The following SEPTIN9 variants were observed in gnomAD, a reference collection of about 807,000 sequenced individuals.
SEPTIN9 encodes septin-9.
In SEPTIN9, 13 loss-of-function variants were observed where a neutral mutation model predicts 56.6. That is an observed-to-expected ratio of 0.23 (90% CI 0.15 to 0.37). The LOEUF (loss-of-function observed/expected upper bound fraction) is 0.37, where lower values mean the gene tolerates loss of function less well. Among genes scored for constraint, SEPTIN9 ranks in the 10% least tolerant of loss-of-function variants. SEPTIN9 has a pLI of 1.00. For missense variants in SEPTIN9, 650 were observed against 823.1 expected, an observed-to-expected ratio of 0.79 and a Z score of 2.57; for synonymous variants, 332 against 334.1, an observed-to-expected ratio of 0.99 and a Z score of 0.07.
rs2039183970 is a variant in SEPTIN9, at chr17:77,475,708, A to G, written c.722-6436A>G. On this transcript the variant is annotated intron_variant, in intron 3 of 11. Transcript: ENST00000427177. This position sits in a 1 kb window ranked among gnomAD's most constrained non-coding sequence, Gnocchi z 4.6. ...GGGCCGGGGTGGATGGAGGCAAGGAAGTCTTCGCCGGGGCAAGGGCACCAG... is the reference window on the plus strand; with the variant it reads ...GGGCCGGGGTGGATGGAGGCAAGGAGGTCTTCGCCGGGGCAAGGGCACCAG... 6.2e-7 allele frequency: 1 copy of G among 1,613,514 alleles called. No individual in the cohort carries two copies. Among genetic ancestry groups the G allele is most frequent in the African/African-American group, 1.3e-5 (1 of 75,048 alleles).
intron 1 of SEPTIN9, among the ~76,000 whole-genome samples, chr17:77,283,445 T>C (rs1459118617): frequency 6.6e-6 from 1 of 152,160 alleles, no homozygotes; most frequent in African/African-American, 2.4e-5. Flanking sequence ...GCCCTCATTC[T>C]GAGTGTCCTG....
At chr17:77,373,242 G>C (rs2034781407) in intron 2 of SEPTIN9, 2 of 1,130,790 alleles carry the variant, frequency 1.8e-6, no homozygotes, top group South Asian at 4.3e-5. Flanking sequence ...AGACAGGGAG[G>C]CCGGTGCGGG....
At chr17:77,477,852 C>T (rs191177339) in intron 3 of SEPTIN9, among the ~76,000 whole-genome samples, 142 of 152,220 alleles carry the variant, frequency 9.3e-4, no homozygotes, top group African/African-American at 3.3e-3. Context: ...TTCTGAGAGT[C>T]GACGTGGGTA....
At chr17:77,412,622 A>T (rs1335323011) in intron 3 of SEPTIN9, among the ~76,000 whole-genome samples, 1 of 151,954 alleles carries the variant, frequency 6.6e-6, no homozygotes, top group African/African-American at 2.4e-5. Flanking sequence ...GCTACTCGGG[A>T]GGCTGATGTG....
At chr17:77,316,875 G>A (rs2032732170) in intron 2 of SEPTIN9, among the ~76,000 whole-genome samples, 1 of 151,898 alleles carries the variant, frequency 6.6e-6, no homozygotes, top group Non-Finnish European at 1.5e-5. Flanking sequence ...CCCAGCTGGG[G>A]TTTCTGCTTT....
intron 3 of SEPTIN9, among the ~76,000 whole-genome samples, chr17:77,409,295 A>G (rs1354811840): frequency 1.3e-5 from 2 of 151,430 alleles, no homozygotes; most frequent in South Asian, 2.1e-4. Flanking sequence ...ACAGGAATCA[A>G]TGCGGGAGGA....
chr17:77,312,305 T>C (rs9890182), intron 2 of SEPTIN9, among the ~76,000 whole-genome samples: 134,465 of 152,186 alleles, frequency 0.88, 59,539 homozygotes, highest in East Asian at 0.99. Context: ...TTCTTACTCA[T>C]AGAGCCCTTA....
rs539594015 is a variant in SEPTIN9 at position 77,369,096 on chromosome 17, T to C, written c.77-32963T>C. Among the ~76,000 whole-genome samples, 22 of 151,310 alleles carry C rather than the reference T, an allele frequency of 1.5e-4. No individual in the cohort carries two copies. Among genetic ancestry groups the C allele is most frequent in the Non-Finnish European group, 2.8e-4 (19 of 67,830 alleles). ...TAAAAATACAAAAATTAGCCAGGAG[T>C]GGTGGCGGGTGCCTGTAATCCGAGC... On this transcript the variant is annotated intron_variant, in intron 2 of 11. Coordinates refer to ENST00000427177, the MANE Select transcript of SEPTIN9 (RefSeq NM_001113491.2). The surrounding 1 kb of genome is among the most constrained non-coding windows in gnomAD (Gnocchi z 4.9).
At chr17:77,350,539 A>G (rs947457289) in intron 2 of SEPTIN9, among the ~76,000 whole-genome samples, 5 of 152,060 alleles carry the variant, frequency 3.3e-5, no homozygotes, top group African/African-American at 1.2e-4. Flanking sequence ...CGTGTTCTCT[A>G]GGAGAAATCC....
chr17:77,408,500 G>A lies in SEPTIN9; in HGVS notation c.721+5797G>A, dbSNP rs569073355. ...GCTCTTCGCATACTTGGTCCGCACC[G>A]GGCCGTGTGTTCCAGGGGCAGAACA... On this transcript the variant is annotated intron_variant, in intron 3 of 11. Coordinates refer to ENST00000427177, the MANE Select transcript of SEPTIN9 (RefSeq NM_001113491.2). 7.2e-5 allele frequency among the ~76,000 whole-genome samples: 11 copies of A among 152,324 alleles called. No individual in the cohort carries two copies. In the East Asian group the frequency reaches 1.4e-3, roughly 19 times the overall value.
chr17:77,354,710 C>T (rs771685174), intron 2 of SEPTIN9, among the ~76,000 whole-genome samples: 41 of 152,124 alleles, frequency 2.7e-4, no homozygotes, highest in Non-Finnish European at 5.9e-4. Context: ...CTCCTGAGGC[C>T]AATTCCCTGC....
At chr17:77,484,661 A>G (rs1229381651) in intron 4 of SEPTIN9, among the ~76,000 whole-genome samples, 9 of 107,774 alleles carry the variant, frequency 8.4e-5, no homozygotes, top group Non-Finnish European at 1.7e-4. Flanking sequence ...GGTGGTGGTG[A>G]TTGTGATGGT....
Position 77,402,367 on chromosome 17 carries a change from C to G in SEPTIN9, c.385C>G (p.Arg129Gly). ...GAACGCCGGGGCCATCGGCCCGTCCCGGTTCGGGCTCAAGAGGGCCGAGGT... is the reference window on the plus strand; with the variant it reads ...GAACGCCGGGGCCATCGGCCCGTCCGGGTTCGGGCTCAAGAGGGCCGAGGT... ...VENAGAIGPS[R>G]FGLKRAEVLG... The change falls in exon 3 of 12, where the codon CGG (arginine) becomes GGG (glycine). Residue 129 changes from arginine (R) to glycine (G), a missense_variant. Transcript: ENST00000427177. The surrounding 1 kb of genome is among the most constrained non-coding windows in gnomAD (Gnocchi z 6.6). 6.2e-7 allele frequency: 1 copy of G among 1,612,198 alleles called. No individual in the cohort carries two copies.
At chr17:77,498,379 C>T in intron 11 of SEPTIN9, 144 bp from the exon 12 acceptor site, 2 of 639,632 alleles carry the variant, frequency 3.1e-6, no homozygotes, top group Non-Finnish European at 5.6e-6. Flanking sequence ...TGGGGGACCC[C>T]ATGGGGAGCC....
intron 2 of SEPTIN9, among the ~76,000 whole-genome samples, chr17:77,335,854 G>GTA (rs143226437): frequency 1.7e-5 from 1 of 59,532 alleles, no homozygotes; most frequent in Non-Finnish European, 3.3e-5. Flanking sequence ...TATGTTGACT[G>GTA]TATATATATA....
chr17:77,359,318 A>C (rs1008580822), intron 2 of SEPTIN9, among the ~76,000 whole-genome samples: 2 of 152,232 alleles, frequency 1.3e-5, no homozygotes, highest in Non-Finnish European at 2.9e-5. Context: ...TCTTTGTATG[A>C]ACAGAGCTGT....
At chr17:77,465,732 A>G (rs2038686475) in intron 3 of SEPTIN9, among the ~76,000 whole-genome samples, 1 of 151,926 alleles carries the variant, frequency 6.6e-6, no homozygotes, top group South Asian at 2.1e-4. Flanking sequence ...AGAAAGGGGA[A>G]ATGCAAAGTT....
Position 77,492,737 on chromosome 17 carries a change from G to C in SEPTIN9, c.1476+21G>C. On this transcript the variant is annotated intron_variant, in intron 9 of 11. Coordinates refer to ENST00000427177, the MANE Select transcript of SEPTIN9 (RefSeq NM_001113491.2). This position sits in a 1 kb window ranked among gnomAD's most constrained non-coding sequence, Gnocchi z 5.4. ...TCCGGGTGAGTGGATCCACTAGGAT[G>C]TTGTTCCCAGGGGACCCCCAGTTCC... is the stretch of plus-strand genomic sequence containing the variant. 1 of 1,604,872 alleles carries C rather than the reference G, an allele frequency of 6.2e-7. No homozygotes were observed. The highest frequency in any genetic ancestry group is 1.1e-5 in the South Asian group (1 of 90,906).
At chr17:77,490,900 C>A (rs1344219806) in intron 8 of SEPTIN9, 41 bp downstream of exon 8, 3 of 1,465,710 alleles carry the variant, frequency 2.0e-6, no homozygotes, top group Non-Finnish European at 2.8e-6. Context: ...TTCTGTGCAA[C>A]CTGGAGACGC....
Sources: allele counts gnomAD v4.1 joint callset (sites outside exome capture counted in the v4.1 genomes callset), GRCh38; gene constraint gnomAD v4.1.1; non-coding constraint Gnocchi (gnomAD v3.1); transcripts MANE v1.5; gene names NCBI Gene and HGNC (gene_info 2026-07-23, HGNC 2026-07-21).